Variants in HERC2 observed in about 807,000 individuals in gnomAD.
HERC2 encodes the protein HECT and RLD domain containing E3 ubiquitin protein ligase 2.
A neutral mutation model predicts 537.7 loss-of-function variants in HERC2; 102 were observed. The observed-to-expected ratio is 0.19, with a 90% CI of 0.16 to 0.22. HERC2 has a LOEUF of 0.22. Among genes scored for constraint, HERC2 ranks in the 10% least tolerant of loss-of-function variants. The pLI, the probability that HERC2 is intolerant of heterozygous loss-of-function variation, is 1.00. For synonymous variants in HERC2, 2,224 were observed against 2,466.2 expected (o/e 0.90, Z 2.91); for missense variants, 4,236 against 6,198.2 (o/e 0.68, Z 10.63).
intron 10 of HERC2, among the ~76,000 whole-genome samples, chr15:28,270,149 G>T (rs2075678001): frequency 6.6e-6 from 1 of 151,866 alleles, no homozygotes; most frequent in Non-Finnish European, 1.5e-5. Flanking sequence ...TTTAAGTTGA[G>T]ACAGGGTTTC....
intron 78 of HERC2, among the ~76,000 whole-genome samples, chr15:28,139,058 A>G (rs920709602): frequency 2.0e-5 from 3 of 152,262 alleles, no homozygotes; most frequent in African/African-American, 7.2e-5. Context: ...GTGACTTAAT[A>G]GACTATAGTA....
At chr15:28,188,774 T>C (rs149309405) in intron 55 of HERC2, among the ~76,000 whole-genome samples, 13 of 152,178 alleles carry the variant, frequency 8.5e-5, no homozygotes, top group African/African-American at 2.9e-4. Flanking sequence ...CAGCATACTT[T>C]CTATTTTTGT....
chr15:28,195,318 G>A (rs1897251657), intron 52 of HERC2, among the ~76,000 whole-genome samples: 1 of 151,514 alleles, frequency 6.6e-6, no homozygotes, highest in Admixed American at 6.6e-5. Flanking sequence ...AAAGTTAGCT[G>A]AGCGTGGTGG....
intron 35 of HERC2, 21 bp downstream of exon 35, chr15:28,228,197 C>A: frequency 6.2e-7 from 1 of 1,608,002 alleles, no homozygotes; most frequent in Non-Finnish European, 8.5e-7. Context: ...CCCAAAGGCG[C>A]TCAAGCGGGT....
chr15:28,132,605 CAGT>C, intron 80 of HERC2, 45 bp downstream of exon 80: 4 of 1,359,318 alleles, frequency 2.9e-6, no homozygotes, highest in Non-Finnish European at 2.9e-6. Flanking sequence ...CTGACAGCAG[CAGT>C]GAGGAGCATG....
In HERC2 at chr15:28,122,825, G is replaced by T. The variant is rs142573451; in HGVS notation, c.13188+1212C>A. 2.6e-5 allele frequency among the ~76,000 whole-genome samples: 4 copies of T among 151,770 alleles called. No individual in the cohort carries two copies. Among genetic ancestry groups the T allele is most frequent in the African/African-American group, 7.3e-5 (3 of 41,304 alleles). On this transcript the variant is annotated intron_variant, in intron 85 of 92. Coordinates refer to ENST00000261609, the MANE Select transcript of HERC2 (RefSeq NM_004667.6). This position sits in a 1 kb window ranked among gnomAD's most constrained non-coding sequence, Gnocchi z 4.1. ...CAGGTGCCAGATGCTGCTGCCCACC[G>T]CTCCCCTACCACACACCAGCTCCCA...
intron 83 of HERC2, among the ~76,000 whole-genome samples, chr15:28,126,929 G>T (rs1168418954): frequency 1.3e-5 from 2 of 152,194 alleles, no homozygotes; most frequent in Admixed American, 6.5e-5. Context: ...CTAAACATAA[G>T]ATTCACCATT....
At chr15:28,277,492 A>G (rs1338602288) in intron 5 of HERC2, among the ~76,000 whole-genome samples, 1 of 152,158 alleles carries the variant, frequency 6.6e-6, no homozygotes, top group Admixed American at 6.5e-5. Context: ...GCTTTTTTAA[A>G]ATTTTAGGAA....
At chr15:28,303,125 T>C (rs1340329072) in intron 2 of HERC2, among the ~76,000 whole-genome samples, 1 of 152,132 alleles carries the variant, frequency 6.6e-6, no homozygotes, top group Non-Finnish European at 1.5e-5. Flanking sequence ...TTTTAGCACT[T>C]TCATAGTCTG....
chr15:28,191,302 T>C, intron 53 of HERC2, 58 bp from the exon 54 acceptor site: 1 of 1,066,170 alleles, frequency 9.4e-7, no homozygotes, highest in Non-Finnish European at 1.4e-6. Flanking sequence ...ATATTTTAGC[T>C]ACTACAATAG....
intron 1 of HERC2, 44 bp from the exon 2 acceptor site, chr15:28,321,508 G>C: frequency 1.9e-6 from 2 of 1,040,326 alleles, no homozygotes; most frequent in Non-Finnish European, 1.4e-6. Context: ...CTTTTTAATA[G>C]TTTACAAAGA....
chr15:28,261,404 T>C (rs1391054175), intron 15 of HERC2, among the ~76,000 whole-genome samples: 1 of 152,210 alleles, frequency 6.6e-6, no homozygotes, highest in Non-Finnish European at 1.5e-5. Context: ...TAAAACATTG[T>C]TTCTATTTAA....
At chr15:28,148,992 C>T (rs544452707) in intron 70 of HERC2, among the ~76,000 whole-genome samples, 39 of 150,538 alleles carry the variant, frequency 2.6e-4, no homozygotes, top group African/African-American at 9.3e-4. Flanking sequence ...AAAACACACA[C>T]GGCTCCTAAC....
At chr15:28,183,545 C>T (rs949711400) in intron 56 of HERC2, among the ~76,000 whole-genome samples, 2 of 152,180 alleles carry the variant, frequency 1.3e-5, no homozygotes, top group Non-Finnish European at 2.9e-5. Flanking sequence ...ATCCAAAACA[C>T]TCCAATTCTT....
chr15:28,308,482 A>G (rs1017621290), intron 2 of HERC2, among the ~76,000 whole-genome samples: 1 of 152,238 alleles, frequency 6.6e-6, no homozygotes, highest in African/African-American at 2.4e-5. Context: ...ATATAAGATC[A>G]TATCATCTGC....
chr15:28,262,054 C>T (rs1331004321), intron 15 of HERC2, among the ~76,000 whole-genome samples: 1 of 152,192 alleles, frequency 6.6e-6, no homozygotes, highest in Non-Finnish European at 1.5e-5. Flanking sequence ...AAGAAAAAGG[C>T]TGCCCACCCC....
chr15:28,250,180 C>T (rs1904163616), intron 20 of HERC2, among the ~76,000 whole-genome samples: 1 of 152,048 alleles, frequency 6.6e-6, no homozygotes, highest in African/African-American at 2.4e-5. Flanking sequence ...TCCCACTTGC[C>T]CCCGTGGCTC....
intron 86 of HERC2, among the ~76,000 whole-genome samples, chr15:28,118,654 T>C (rs1350234369): frequency 1.3e-5 from 2 of 152,216 alleles, no homozygotes; most frequent in African/African-American, 2.4e-5. Context: ...TCCCATGGCA[T>C]CCTCTTGGGA....
rs539102355 is a variant in HERC2, at chr15:28,265,452, G to T, written c.1870+166C>A. ...CAGCTGAGAGGCCTCAGGCAAACAAGCCCAGTAACCACCCGGGCCTCTTCC... is the reference window on the plus strand; with the variant it reads ...CAGCTGAGAGGCCTCAGGCAAACAATCCCAGTAACCACCCGGGCCTCTTCC... On this transcript the variant is annotated intron_variant, in intron 14 of 92. Coordinates refer to ENST00000261609, the MANE Select transcript of HERC2 (RefSeq NM_004667.6). This position sits in a 1 kb window ranked among gnomAD's most constrained non-coding sequence, Gnocchi z 4.0. Among the ~76,000 whole-genome samples, 4 of 152,244 alleles carry T rather than the reference G, an allele frequency of 2.6e-5. No individual in the cohort carries two copies. The South Asian group carries it at 8.3e-4, about 32-fold the overall frequency.
Sources: allele counts gnomAD v4.1 joint callset (sites outside exome capture counted in the v4.1 genomes callset), GRCh38; gene constraint gnomAD v4.1.1; non-coding constraint Gnocchi (gnomAD v3.1); transcripts MANE v1.5; gene names NCBI Gene and HGNC (gene_info 2026-07-23, HGNC 2026-07-21).